Variants in HEG1 observed in about 807,000 individuals in gnomAD.
The protein encoded by HEG1 is heart development protein with EGF like domains 1.
A neutral mutation model predicts 125.6 loss-of-function variants in HEG1; 56 were observed. The observed-to-expected ratio is 0.45, with a 90% CI of 0.36 to 0.56. The LOEUF is 0.56. Among genes scored for constraint, HEG1 ranks in the 20% least tolerant of loss-of-function variants. The pLI, the probability that HEG1 is intolerant of heterozygous loss-of-function variation, is 0.00. For missense variants in HEG1, 1,523 were observed against 1,670.0 expected (o/e 0.91, Z 1.53); for synonymous variants, 644 against 668.5 (o/e 0.96, Z 0.57).
rs1351601245 is a variant in HEG1 at position 125,012,864 on chromosome 3, T to G, written c.2715A>C (p.Arg905=). 2 of 1,614,014 alleles carry G rather than the reference T, an allele frequency of 1.2e-6. No individual in the cohort carries two copies. Among genetic ancestry groups the G allele is most frequent in the Non-Finnish European group, 1.7e-6 (2 of 1,179,878 alleles). The change falls in exon 6 of 17, where the codon CGA becomes CGC. Residue 905 remains arginine, a synonymous_variant. Transcript: ENST00000311127. The part of the protein sequence containing the change: ...TEGGISTERN[R]VIVDATTGLI... ...ATCCAGTGGTAGCATCCACAATCAC[T>G]CGGTTCCTTTCTGTGCTGATGCCAC...
chr3:125,053,741 C>T (rs1937867082), intron 1 of HEG1, among the ~76,000 whole-genome samples: 1 of 152,178 alleles, frequency 6.6e-6, no homozygotes, highest in Non-Finnish European at 1.5e-5. Flanking sequence ...GCCACAAAAC[C>T]AAGACCAGCA....
chr3:125,014,891 C>A (rs957682909), intron 5 of HEG1: 13 of 1,289,844 alleles, frequency 1.0e-5, no homozygotes, highest in Non-Finnish European at 1.3e-5. Context: ...GTGTGCGTTC[C>A]CCGTTTCCAG....
intron 14 of HEG1, among the ~76,000 whole-genome samples, chr3:124,982,920 AC>A (rs1325225455): frequency 1.3e-5 from 2 of 151,786 alleles, no homozygotes; most frequent in Admixed American, 6.6e-5. Context: ...AGACCTCCCC[AC>A]CCCCAACCAA....
chr3:125,032,634 C>T (rs1937512244), intron 1 of HEG1, among the ~76,000 whole-genome samples: 1 of 152,238 alleles, frequency 6.6e-6, no homozygotes, highest in Non-Finnish European at 1.5e-5. Flanking sequence ...GCAAGCTGGT[C>T]TCCTGGGAGG....
chr3:125,006,041 C>T (rs1020857210), intron 8 of HEG1, among the ~76,000 whole-genome samples: 3 of 152,190 alleles, frequency 2.0e-5, no homozygotes, highest in Non-Finnish European at 4.4e-5. Context: ...GGAGCGTATG[C>T]GTGTCCATCT....
intron 1 of HEG1, among the ~76,000 whole-genome samples, chr3:125,045,033 C>T (rs1937640345): frequency 6.6e-6 from 1 of 152,116 alleles, no homozygotes; most frequent in African/African-American, 2.4e-5. Context: ...TGGCAAGAGA[C>T]GAAGATGATG....
intron 1 of HEG1, among the ~76,000 whole-genome samples, chr3:125,029,699 G>C (rs955334478): frequency 6.6e-6 from 1 of 152,156 alleles, no homozygotes; most frequent in African/African-American, 2.4e-5. Flanking sequence ...AGACCAGCCT[G>C]GCCAACATGG....
chr3:125,021,227 A>G, intron 3 of HEG1, 97 bp from the exon 4 acceptor site: 1 of 848,910 alleles, frequency 1.2e-6, no homozygotes, highest in Non-Finnish European at 1.8e-6. Context: ...ATTTTGGTGG[A>G]TACATCTAAA....
chr3:125,025,734 C>T (rs760849890), intron 3 of HEG1, among the ~76,000 whole-genome samples: 10 of 152,170 alleles, frequency 6.6e-5, no homozygotes, highest in Non-Finnish European at 1.2e-4. Context: ...TCCTTTCTAC[C>T]GTTTAGTAAA....
At chr3:125,039,614 C>A (rs1470730962) in intron 1 of HEG1, among the ~76,000 whole-genome samples, 1 of 152,152 alleles carries the variant, frequency 6.6e-6, no homozygotes, top group African/African-American at 2.4e-5. Context: ...GGGCTTACCA[C>A]GTGCTAAACA....
At chr3:124,991,784 G>A (rs552842350) in intron 12 of HEG1, among the ~76,000 whole-genome samples, 1 of 152,210 alleles carries the variant, frequency 6.6e-6, no homozygotes, top group South Asian at 2.1e-4. Flanking sequence ...GCTAATTTTT[G>A]TATTTTTAGT....
intron 15 of HEG1, among the ~76,000 whole-genome samples, chr3:124,977,337 C>T (rs1284682451): frequency 1.3e-5 from 2 of 152,170 alleles, no homozygotes; most frequent in East Asian, 3.8e-4. Flanking sequence ...TACAGCAATA[C>T]AAAATGGACT....
rs372448236 is a variant in HEG1 at position 124,971,514 on chromosome 3, A to C, written c.3997-713T>G. On this transcript the variant is annotated intron_variant, in intron 16 of 16. Transcript: ENST00000311127. ...TTTTTCTTTTTCTTTCTTTTTTTAGATGGAGTCTCACTCTGTCGCCAGGCC... is the reference window on the plus strand; with the variant it reads ...TTTTTCTTTTTCTTTCTTTTTTTAGCTGGAGTCTCACTCTGTCGCCAGGCC... Among the ~76,000 whole-genome samples the C allele has an allele frequency of 2.7e-4, 36 of 130,950 alleles. 1 individual carries two copies. Among genetic ancestry groups the C allele is most frequent in the African/African-American group, 1.1e-3 (36 of 34,054 alleles). The allele number at this position is 130,950 out of a possible 152,430, so 85.9% of individuals were successfully genotyped here. A position where few individuals can be genotyped will look rare whatever the true frequency, so the allele number is the denominator to read the frequency against.
Position 125,015,024 on chromosome 3 carries a change from G to A in HEG1, c.1589-1034C>T, listed in dbSNP as rs150762347. ...GCTGTCTTCCAAGGCTAAAAGTAGA[G>A]TGAAAGAGGATGGCTGAAAAATGCA... On this transcript the variant is annotated intron_variant, in intron 5 of 16. Transcript: ENST00000311127. 6.5e-4 allele frequency: 794 copies of A among 1,223,154 alleles called. 8 individuals carry two copies. In the African/African-American group the frequency reaches 0.011, roughly 18 times the overall value. The allele number at this position is 1,223,154 out of a possible 1,614,324, so 75.8% of individuals were successfully genotyped here. A position where few individuals can be genotyped will look rare whatever the true frequency, so the allele number is the denominator to read the frequency against.
chr3:125,002,457 CT>C (rs1356304104), intron 9 of HEG1, 142 bp from the exon 10 acceptor site: 13 of 661,778 alleles, frequency 2.0e-5, no homozygotes, highest in African/African-American at 3.6e-5. Flanking sequence ...AAGTGGTGTC[CT>C]TTTTTTGTTC....
chr3:125,002,016 T>C lies in HEG1; in HGVS notation c.3357-4A>G. Reference sequence around the variant, plus strand: ...GATCACCACCGCGTTGGACTCCCTATAGGCAAAGTTTGTGGGTTTTTAACA... The same window carrying C: ...GATCACCACCGCGTTGGACTCCCTACAGGCAAAGTTTGTGGGTTTTTAACA... On this transcript the variant is annotated splice_region_variant and splice_polypyrimidine_tract_variant and intron_variant, in intron 10 of 16. Coordinates refer to ENST00000311127, the MANE Select transcript of HEG1 (RefSeq NM_020733.2). 1 of 1,613,828 alleles carries C rather than the reference T, an allele frequency of 6.2e-7. No individual in the cohort carries two copies. Among genetic ancestry groups the C allele is most frequent in the Non-Finnish European group, 8.5e-7 (1 of 1,179,836 alleles).
chr3:125,005,973 A>C (rs561597830), intron 8 of HEG1, among the ~76,000 whole-genome samples: 3 of 152,260 alleles, frequency 2.0e-5, no homozygotes, highest in Non-Finnish European at 4.4e-5. Flanking sequence ...GGGCTTCCAG[A>C]GGTCAGGCAA....
chr3:125,033,400 T>C (rs1488720782), intron 1 of HEG1, among the ~76,000 whole-genome samples: 1 of 152,122 alleles, frequency 6.6e-6, no homozygotes, highest in Non-Finnish European at 1.5e-5. Context: ...TGTGTAAAGC[T>C]GGGACTTTAC....
intron 11 of HEG1, among the ~76,000 whole-genome samples, chr3:125,001,523 A>C (rs1033144788): frequency 7.2e-5 from 11 of 152,184 alleles, no homozygotes; most frequent in Non-Finnish European, 1.6e-4. Context: ...CAGTGGAAAA[A>C]GAGTGATTTC....
Sources: allele counts gnomAD v4.1 joint callset (sites outside exome capture counted in the v4.1 genomes callset), GRCh38; gene constraint gnomAD v4.1.1; transcripts MANE v1.5; gene names NCBI Gene and HGNC (gene_info 2026-07-23, HGNC 2026-07-21).